The following UTS2 variants were observed in gnomAD, a reference collection of about 807,000 sequenced individuals.
UTS2 encodes urotensin-2.
In UTS2, 10 loss-of-function variants were observed where a neutral mutation model predicts 12.6. The observed-to-expected ratio is 0.80, with a 90% confidence interval of 0.49 to 1.35. The LOEUF is 1.35. UTS2 is among the 40% of genes most tolerant of loss of function. UTS2 has a pLI of 0.00. For missense variants in UTS2, 142 were observed against 143.2 expected, an observed-to-expected ratio of 0.99 and a Z score of 0.04; for synonymous variants, 52 against 50.0, an observed-to-expected ratio of 1.04 and a Z score of -0.17.
chr1:7,854,938 A>C (rs1271255111), upstream of UTS2, among the ~76,000 whole-genome samples: 1 of 152,164 alleles, frequency 6.6e-6, no homozygotes, highest in Non-Finnish European at 1.5e-5. Flanking sequence ...AGGCAGGTGG[A>C]TCACCTGAGG....
At chr1:7,874,888 T>C in the UTS2 span, among the ~76,000 whole-genome samples, 1 of 152,124 alleles carries the variant, frequency 6.6e-6, no homozygotes, top group African/African-American at 2.4e-5. Flanking sequence ...TAGTTCCTTC[T>C]TCACACACAC....
chr1:7,861,804 CAT>C, the UTS2 span, among the ~76,000 whole-genome samples: 952 of 152,236 alleles, frequency 6.3e-3, 19 homozygotes, highest in Non-Finnish European at 3.4e-3. Context: ...GCGTGAAGAA[CAT>C]GTGAGGGCAA....
intron 1 of UTS2, among the ~76,000 whole-genome samples, chr1:7,851,832 C>T (rs996876675): frequency 1.3e-5 from 2 of 152,108 alleles, no homozygotes; most frequent in Non-Finnish European, 2.9e-5. Context: ...CCACTTGTTT[C>T]GAATTTGTGT....
the UTS2 span, among the ~76,000 whole-genome samples, chr1:7,873,532 T>C: frequency 6.6e-6 from 1 of 152,174 alleles, no homozygotes; most frequent in Admixed American, 6.5e-5. Context: ...AAGACTTCAG[T>C]GGAGGAAGGA....
At chr1:7,884,757 GCCAT>G in the UTS2 span, among the ~76,000 whole-genome samples, 1 of 150,854 alleles carries the variant, frequency 6.6e-6, no homozygotes, top group Admixed American at 6.6e-5. Context: ...TCCATCTTTC[GCCAT>G]CCATCCACCC....
chr1:7,870,275 C>G, the UTS2 span, among the ~76,000 whole-genome samples: 1 of 152,154 alleles, frequency 6.6e-6, no homozygotes, highest in African/African-American at 2.4e-5. Flanking sequence ...GACACAGATG[C>G]ACAGAGGGAC....
At chr1:7,904,052 T>C in the UTS2 span, among the ~76,000 whole-genome samples, 1 of 152,298 alleles carries the variant, frequency 6.6e-6, no homozygotes, top group Non-Finnish European at 1.5e-5. Context: ...TTTAGAAATT[T>C]AGATCTTAGA....
the UTS2 span, among the ~76,000 whole-genome samples, chr1:7,912,020 G>A: frequency 6.6e-6 from 1 of 152,116 alleles, no homozygotes; most frequent in Non-Finnish European, 1.5e-5. Context: ...GGATTTCTTT[G>A]GTATGCCAGC....
the UTS2 span, among the ~76,000 whole-genome samples, chr1:7,902,297 T>G: frequency 6.6e-6 from 1 of 152,148 alleles, no homozygotes; most frequent in South Asian, 2.1e-4. Flanking sequence ...TTATCTTCTC[T>G]CTGGGCTCTG....
chr1:7,867,786 G>T, the UTS2 span, among the ~76,000 whole-genome samples: 1,110 of 152,270 alleles, frequency 7.3e-3, 17 homozygotes, highest in African/African-American at 0.026. Context: ...TGAGGCAGGA[G>T]AATCGCTTGA....
the UTS2 span, among the ~76,000 whole-genome samples, chr1:7,864,633 C>T: frequency 2.0e-5 from 3 of 152,210 alleles, no homozygotes; most frequent in Admixed American, 6.5e-5. Flanking sequence ...ATGTTCTTCA[C>T]GCCCATTGAA....
chr1:7,875,077 T>G, the UTS2 span, among the ~76,000 whole-genome samples: 1 of 152,086 alleles, frequency 6.6e-6, no homozygotes, highest in East Asian at 1.9e-4. Context: ...TTTTTTCTTT[T>G]TCTTTTTCTT....
upstream of UTS2, among the ~76,000 whole-genome samples, chr1:7,857,213 A>G (rs1638332946): frequency 6.6e-6 from 1 of 151,996 alleles, no homozygotes; most frequent in Non-Finnish European, 1.5e-5. Flanking sequence ...AGGGACCAGG[A>G]TCCCACTGGC....
At chr1:7,876,098 G>C in the UTS2 span, among the ~76,000 whole-genome samples, 1 of 152,188 alleles carries the variant, frequency 6.6e-6, no homozygotes, top group Non-Finnish European at 1.5e-5. Flanking sequence ...ACATTGTCCA[G>C]AGGTCAGGGG....
upstream of UTS2, among the ~76,000 whole-genome samples, chr1:7,856,056 C>T (rs1376463214): frequency 3.3e-5 from 5 of 151,876 alleles, no homozygotes; most frequent in Non-Finnish European, 7.4e-5. Flanking sequence ...GCCTCAAACT[C>T]CTGGGCTCCA....
Position 7,852,894 on chromosome 1 carries a change from A to G in UTS2, c.103+7T>C, listed in dbSNP as rs765724973. 2 of 1,600,444 alleles carry G rather than the reference A, an allele frequency of 1.2e-6. No individual in the cohort carries two copies. The highest frequency in any genetic ancestry group is 1.8e-5 in the Admixed American group (1 of 56,398). ...AGACTAACATAAGGGGAAAAAAAAA[A>G]TCTTACCTGAGAGTTGAAAGGATAT... is the stretch of plus-strand genomic sequence containing the variant. On this transcript the variant is annotated splice_region_variant and intron_variant, in intron 1 of 3. Transcript: ENST00000361696.
chr1:7,901,832 C>T, the UTS2 span, among the ~76,000 whole-genome samples: 12,957 of 152,182 alleles, frequency 0.085, 1,816 homozygotes, highest in African/African-American at 0.29. Flanking sequence ...TGAGGATCCA[C>T]ACAGACTGGC....
the UTS2 span, among the ~76,000 whole-genome samples, chr1:7,906,451 GAA>G: frequency 1.5e-4 from 12 of 80,322 alleles, no homozygotes; most frequent in Non-Finnish European, 2.3e-4. Context: ...AAGAAAAAGA[GAA>G]AGAAAGAAAG....
At chr1:7,865,713 A>C in the UTS2 span, among the ~76,000 whole-genome samples, 1 of 152,180 alleles carries the variant, frequency 6.6e-6, no homozygotes, top group African/African-American at 2.4e-5. Flanking sequence ...TGAGAAGATC[A>C]CTTGAGGCCA....
Sources: allele counts gnomAD v4.1 joint callset (sites outside exome capture counted in the v4.1 genomes callset), GRCh38; gene constraint gnomAD v4.1.1; transcripts MANE v1.5; gene names NCBI Gene and HGNC (gene_info 2026-07-23, HGNC 2026-07-21).